Variants in SNED1 observed in about 807,000 individuals in gnomAD.
SNED1 encodes sushi, nidogen and EGF-like domain-containing protein 1.
SNED1 carries 81 observed loss-of-function variants against 166.7 expected under a neutral mutation model. That is an observed-to-expected ratio of 0.49 (90% CI 0.41 to 0.58). The LOEUF (loss-of-function observed/expected upper bound fraction) is 0.58. Among genes scored for constraint, SNED1 ranks in the 20% least tolerant of loss-of-function variants. The pLI, the probability that SNED1 is intolerant of heterozygous loss-of-function variation, is 0.00. For missense variants in SNED1, 1,604 were observed against 2,000.2 expected (o/e 0.80, Z 3.78); for synonymous variants, 762 against 822.0 (o/e 0.93, Z 1.25).
Position 241,051,710 on chromosome 2 carries a change from C to T in SNED1, c.1736-34C>T. ...TGGCTCTGTGGGGCCAGCAGCCTGGCCCCGTTCATCTGCCTCTCTGTCCTT... is the reference window on the plus strand; with the variant it reads ...TGGCTCTGTGGGGCCAGCAGCCTGGTCCCGTTCATCTGCCTCTCTGTCCTT... On this transcript the variant is annotated intron_variant, in intron 12 of 31. Coordinates refer to ENST00000310397, the MANE Select transcript of SNED1 (RefSeq NM_001080437.3). This position sits in a 1 kb window ranked among gnomAD's most constrained non-coding sequence, Gnocchi z 4.7. 7.0e-7 allele frequency: 1 copy of T among 1,430,552 alleles called. No individual in the cohort carries two copies. The allele number at this position is 1,430,552 out of a possible 1,614,324, so 88.6% of individuals were successfully genotyped here. A position where few individuals can be genotyped will look rare whatever the true frequency, so the allele number is the denominator to read the frequency against.
intron 31 of SNED1, chr2:241,090,223 T>G: frequency 6.7e-7 from 1 of 1,486,776 alleles, no homozygotes; most frequent in Non-Finnish European, 8.9e-7. Context: ...TGTTTTTTAC[T>G]ATTTAACTTT....
chr2:241,049,251 G>A, intron 11 of SNED1, 116 bp downstream of exon 11: 1 of 739,746 alleles, frequency 1.4e-6, no homozygotes, highest in Non-Finnish European at 2.3e-6. Flanking sequence ...ACTCTCGGGA[G>A]AGCTGGCACC....
intron 1 of SNED1, among the ~76,000 whole-genome samples, chr2:241,000,528 G>T (rs1372867574): frequency 6.6e-6 from 1 of 152,214 alleles, no homozygotes; most frequent in Non-Finnish European, 1.5e-5. Context: ...ACTCACATTG[G>T]CACCATCCGA....
intron 24 of SNED1, 194 bp from the exon 25 acceptor site, chr2:241,071,382 G>C: frequency 1.6e-6 from 1 of 629,008 alleles, no homozygotes; most frequent in Admixed American, 2.7e-5. Flanking sequence ...GAAGGGATGC[G>C]GCGGGTGGGC....
At position 241,094,132 on chromosome 2, in the gene SNED1, T is replaced by C. The variant is rs2064230502; in HGVS notation, c.*2496T>C. On this transcript the variant is annotated 3_prime_UTR_variant, in exon 32 of 32. Coordinates refer to ENST00000310397, the MANE Select transcript of SNED1 (RefSeq NM_001080437.3). This position sits in a 1 kb window ranked among gnomAD's most constrained non-coding sequence, Gnocchi z 4.3. ...TCTCATTTCCAAACAGTTTTGCCTA[T>C]GGCCAAGCAAGGCAATAAAGACAAA... 1 of 362,192 alleles carries C rather than the reference T, an allele frequency of 2.8e-6. No individual in the cohort carries two copies. Among genetic ancestry groups the C allele is most frequent in the East Asian group, 7.7e-5 (1 of 13,008 alleles). The allele number at this position is 362,192 out of a possible 1,614,324, so 22.4% of individuals were successfully genotyped here. A position where few individuals can be genotyped will look rare whatever the true frequency, so the allele number is the denominator to read the frequency against.
Position 241,013,076 on chromosome 2 carries a change from C to T in SNED1, c.213+14026C>T, listed in dbSNP as rs983209495. ...GTCTCGATCTCCTGACCTCGTGATC[C>T]GCCTGTCTCAGCCTCCCAAAGTGAT... On this transcript the variant is annotated intron_variant, in intron 1 of 31. Coordinates refer to ENST00000310397, the MANE Select transcript of SNED1 (RefSeq NM_001080437.3). This position sits in a 1 kb window ranked among gnomAD's most constrained non-coding sequence, Gnocchi z 4.6. Among the ~76,000 whole-genome samples, 7 of 152,088 alleles carry T rather than the reference C, an allele frequency of 4.6e-5. No homozygotes were observed. Among genetic ancestry groups the T allele is most frequent in the African/African-American group, 9.7e-5 (4 of 41,406 alleles).
At chr2:241,079,150 C>A (rs1469835252) in intron 27 of SNED1, among the ~76,000 whole-genome samples, 1 of 134,224 alleles carries the variant, frequency 7.5e-6, no homozygotes, top group African/African-American at 2.8e-5. Flanking sequence ...CGGTGGCTCA[C>A]ATCTGTAATC....
chr2:241,070,500 C>T (rs931674427), intron 24 of SNED1, among the ~76,000 whole-genome samples: 1 of 152,212 alleles, frequency 6.6e-6, no homozygotes, highest in African/African-American at 2.4e-5. Flanking sequence ...AAACGGGTGC[C>T]GAGGGTGGCA....
intron 1 of SNED1, among the ~76,000 whole-genome samples, chr2:241,011,326 G>A (rs1383130908): frequency 1.4e-5 from 2 of 147,668 alleles, no homozygotes; most frequent in African/African-American, 5.0e-5. Context: ...CCTGGCACAT[G>A]GAGTGGTTAC....
At chr2:241,063,897 C>A in intron 18 of SNED1, 115 bp from the exon 19 acceptor site, 1 of 852,380 alleles carries the variant, frequency 1.2e-6, no homozygotes. Flanking sequence ...GCCCACTGCC[C>A]CTCTCTCCTG....
At chr2:241,024,656 T>TTTTATTTTATTTTATTTTAC (rs2060895279) in intron 1 of SNED1, among the ~76,000 whole-genome samples, 4 of 147,784 alleles carry the variant, frequency 2.7e-5, no homozygotes, top group Non-Finnish European at 5.9e-5. Context: ...TTTTATCTTA[T>TTTTATTTTATTTTATTTTAC]TTTATTTTAT....
rs1471521632 is a variant in SNED1, at chr2:241,052,695, G to A, written c.2083+227G>A. 7.6e-5 allele frequency among the ~76,000 whole-genome samples: 5 copies of A among 66,176 alleles called. 1 individual carries two copies. The highest frequency in any genetic ancestry group is 1.6e-4 in the Admixed American group (1 of 6,448). The allele number at this position is 66,176 out of a possible 152,430, so 43.4% of individuals were successfully genotyped here. A position where few individuals can be genotyped will look rare whatever the true frequency, so the allele number is the denominator to read the frequency against. ...CAGGCAGGTGAGAGGGTCGGCGGGG[G>A]GGGGGGGGGTCAAGCAGGGTACATG... On this transcript the variant is annotated intron_variant, in intron 15 of 31. Transcript: ENST00000310397.
intron 1 of SNED1, among the ~76,000 whole-genome samples, chr2:241,023,887 C>CTTTTTTTTTTTTTTT (rs2060846825): frequency 1.4e-5 from 1 of 71,658 alleles, no homozygotes; most frequent in African/African-American, 7.7e-5. Flanking sequence ...CTTTTTTTTT[C>CTTTTTTTTTTTTTTT]CTTTTTTTTT....
intron 27 of SNED1, chr2:241,074,145 C>T (rs559232567): frequency 1.3e-5 from 2 of 152,396 alleles, no homozygotes; most frequent in South Asian, 2.1e-4. Flanking sequence ...AGTCCTAGTA[C>T]TTGGTAAAGG....
intron 1 of SNED1, among the ~76,000 whole-genome samples, chr2:241,021,127 C>T (rs939215049): frequency 6.6e-5 from 10 of 152,134 alleles, no homozygotes; most frequent in South Asian, 2.1e-4. Flanking sequence ...CACAGCTGTC[C>T]GGGACCACAA....
rs140240269 is a variant in SNED1, at chr2:241,068,177, A to G, written c.3194+230A>G. ...AGAGGATACACCTTGGTAGTGTTTT[A>G]AAGTGTCCAAAAAGAGCAGGAAAAG... On this transcript the variant is annotated intron_variant, in intron 22 of 31. Coordinates refer to ENST00000310397, the MANE Select transcript of SNED1 (RefSeq NM_001080437.3). This position sits in a 1 kb window ranked among gnomAD's most constrained non-coding sequence, Gnocchi z 5.3. Among the ~76,000 whole-genome samples the G allele has an allele frequency of 6.6e-6, 1 of 152,152 alleles. No homozygotes were observed. Among genetic ancestry groups the G allele is most frequent in the Non-Finnish European group, 1.5e-5 (1 of 68,036 alleles).
intron 29 of SNED1, among the ~76,000 whole-genome samples, chr2:241,086,803 C>T (rs1041254674): frequency 5.9e-5 from 9 of 152,346 alleles, no homozygotes; most frequent in South Asian, 2.1e-4. Context: ...AAAGACAAAA[C>T]GCCTTCCCAT....
chr2:241,073,047 G>A lies in SNED1; in HGVS notation c.3818-219G>A, dbSNP rs1283231294. 3.7e-6 allele frequency: 2 copies of A among 543,734 alleles called. No homozygotes were observed. Among genetic ancestry groups the A allele is most frequent in the Non-Finnish European group, 6.6e-6 (2 of 305,342 alleles). The allele number at this position is 543,734 out of a possible 1,614,324, so 33.7% of individuals were successfully genotyped here. The stretch of plus-strand genomic sequence containing the variant: ...GCAGCTCTGAGGGGGCCCTGCAAGG[G>A]GAAGGCCGAGCCCCTCCAGAGGGTC... On this transcript the variant is annotated intron_variant, in intron 26 of 31. Transcript: ENST00000310397. This position sits in a 1 kb window ranked among gnomAD's most constrained non-coding sequence, Gnocchi z 6.6.
chr2:241,035,594 T>A (rs540509082), intron 4 of SNED1: 1 of 152,104 alleles, frequency 6.6e-6, no homozygotes. Flanking sequence ...CAGACTCGCC[T>A]CCCAGCCGCG....
Sources: gnomAD v4.1 joint callset for allele counts (sites outside exome capture counted in the v4.1 genomes callset) on GRCh38, gnomAD v4.1.1 for gene constraint, Gnocchi (gnomAD v3.1) non-coding constraint, MANE v1.5 for transcripts, NCBI Gene and HGNC (gene_info 2026-07-23, HGNC 2026-07-21) for gene names.